The following HNRNPUL1 variants were observed in gnomAD, a reference collection of about 807,000 sequenced individuals.
HNRNPUL1 encodes heterogeneous nuclear ribonucleoprotein U-like protein 1.
A neutral mutation model predicts 108.5 loss-of-function variants in HNRNPUL1; 14 were observed. The observed-to-expected ratio is 0.13, with a 90% CI of 0.09 to 0.20. The LOEUF (loss-of-function observed/expected upper bound fraction) is 0.20, where lower values mean the gene tolerates loss of function less well. Among genes scored for constraint, HNRNPUL1 ranks in the 10% least tolerant of loss-of-function variants. The pLI is 1.00. For synonymous variants in HNRNPUL1, 422 were observed against 445.2 expected (o/e 0.95, Z 0.66); for missense variants, 804 against 1,168.3 (o/e 0.69, Z 4.55).
rs371503869 is a variant in HNRNPUL1 at position 41,294,466 on chromosome 19, G to T, written c.1389+6G>T. On this transcript the variant is annotated splice_donor_region_variant and intron_variant, in intron 9 of 14. Coordinates refer to ENST00000392006, the MANE Select transcript of HNRNPUL1 (RefSeq NM_007040.6). The surrounding 1 kb of genome is among the most constrained non-coding windows in gnomAD (Gnocchi z 4.3). ...CCATCATGGATAAGATGCGGGTAAG[G>T]CCAGCCACTGGACTCTCCTTACTCA... 6.2e-7 allele frequency: 1 copy of T among 1,614,066 alleles called. No homozygotes were observed. The highest frequency in any genetic ancestry group is 1.3e-5 in the African/African-American group (1 of 75,034).
chr19:41,284,995 C>CAAAA (rs773865440), intron 7 of HNRNPUL1, among the ~76,000 whole-genome samples: 1 of 61,446 alleles, frequency 1.6e-5, no homozygotes, highest in African/African-American at 5.7e-5. Context: ...GACTCTGTCT[C>CAAAA]AAAAAAAAAA....
chr19:41,277,707 A>G (rs960538531), intron 5 of HNRNPUL1, among the ~76,000 whole-genome samples: 1 of 152,098 alleles, frequency 6.6e-6, no homozygotes, highest in African/African-American at 2.4e-5. Context: ...GGGTTTCTCC[A>G]TGTTGATCAG....
Position 41,264,597 on chromosome 19 carries a change from C to T in HNRNPUL1, c.94C>T (p.Arg32Trp). The change falls in exon 1 of 15, where the codon CGG (arginine) becomes TGG (tryptophan). Residue 32 changes from arginine to tryptophan, a missense_variant. Physicochemically the swap from Arg to Trp is moderately radical, Grantham distance 101. Coordinates refer to ENST00000392006, the MANE Select transcript of HNRNPUL1 (RefSeq NM_007040.6). ...TRGLKAELAE[R>W]LQAALEAEEP... is the part of the protein sequence containing the mutation. ...AGGCCTCAAGGCCGAGCTTGCTGAG[C>T]GGCTGCAGGCGGCGTTGGAGGCCGA... 2 of 1,574,952 alleles carry T rather than the reference C, an allele frequency of 1.3e-6. No homozygotes were observed. Among genetic ancestry groups the T allele is most frequent in the African/African-American group, 1.4e-5 (1 of 73,254 alleles).
At chr19:41,267,377 C>A (rs141269664) in intron 1 of HNRNPUL1, among the ~76,000 whole-genome samples, 41 of 152,230 alleles carry the variant, frequency 2.7e-4, no homozygotes, top group African/African-American at 9.9e-4. Context: ...GTGCTTGGAG[C>A]CTGGAAGCAG....
intron 7 of HNRNPUL1, among the ~76,000 whole-genome samples, chr19:41,282,412 C>A (rs1273120096): frequency 2.0e-5 from 3 of 152,132 alleles, no homozygotes; most frequent in Non-Finnish European, 4.4e-5. Context: ...GAACTCCCGA[C>A]CTCAGATGAT....
Position 41,294,784 on chromosome 19 carries a change from G to A in HNRNPUL1, c.1518+98G>A. 7.0e-7 allele frequency: 1 copy of A among 1,420,528 alleles called. No homozygotes were observed. The highest frequency in any genetic ancestry group is 2.3e-5 in the East Asian group (1 of 43,534). The allele number at this position is 1,420,528 out of a possible 1,614,324, so 88.0% of individuals were successfully genotyped here. A position where few individuals can be genotyped will look rare whatever the true frequency, so the allele number is the denominator to read the frequency against. ...GTCCCTTTCTTTTTTCCCCCGTAAT[G>A]ATGATGGACTGCTGTGCTAGTCGGG... On this transcript the variant is annotated intron_variant, in intron 10 of 14. Coordinates refer to ENST00000392006, the MANE Select transcript of HNRNPUL1 (RefSeq NM_007040.6). The surrounding 1 kb of genome is among the most constrained non-coding windows in gnomAD (Gnocchi z 4.3).
Position 41,292,649 on chromosome 19 carries a change from C to T in HNRNPUL1, c.1266+138C>T. ...TTTGTCCCAGCTCCTCAGGGTTGGA[C>T]TCAGAGCTGAAAAGCTGCTCTGAGT... On this transcript the variant is annotated intron_variant, in intron 8 of 14. Coordinates refer to ENST00000392006, the MANE Select transcript of HNRNPUL1 (RefSeq NM_007040.6). This position sits in a 1 kb window ranked among gnomAD's most constrained non-coding sequence, Gnocchi z 4.1. The T allele has an allele frequency of 9.2e-7, 1 of 1,088,312 alleles. No homozygotes were observed. The highest frequency in any genetic ancestry group is 1.3e-6 in the Non-Finnish European group (1 of 742,750). The allele number at this position is 1,088,312 out of a possible 1,614,324, so 67.4% of individuals were successfully genotyped here.
Position 41,304,009 on chromosome 19 carries a change from C to T in HNRNPUL1, c.2010C>T (p.Asn670=). The T allele has an allele frequency of 1.2e-6, 2 of 1,613,982 alleles. No individual in the cohort carries two copies. Among genetic ancestry groups the T allele is most frequent in the Non-Finnish European group, 1.7e-6 (2 of 1,179,940 alleles). ...GCGGAGGTGGTGGCTATAGCCAGAA[C>T]CGCTGGGGTAACAACAACCGGGATA... ...NRSGGGGYSQ[N]RWGNNNRDNN... The change falls in exon 13 of 15, where the codon AAC becomes AAT. Residue 670 remains asparagine (N), a synonymous_variant. Coordinates refer to ENST00000392006, the MANE Select transcript of HNRNPUL1 (RefSeq NM_007040.6).
chr19:41,272,475 G>A lies in HNRNPUL1; in HGVS notation c.572+240G>A, dbSNP rs540329185. 2.9e-5 allele frequency: 12 copies of A among 415,226 alleles called. No individual in the cohort carries two copies. In the South Asian group the frequency reaches 3.1e-4, roughly 11 times the overall value. The allele number at this position is 415,226 out of a possible 1,614,324, so 25.7% of individuals were successfully genotyped here. On this transcript the variant is annotated intron_variant, in intron 3 of 14. Transcript: ENST00000392006. ...ACTTCTAAATATCTTAGACTTTCAC[G>A]CGTGAGATGCCAGCCTGCCTGTTCT...
At chr19:41,275,969 G>A (rs2035529684) in intron 4 of HNRNPUL1, among the ~76,000 whole-genome samples, 190 bp from the exon 5 acceptor site, 1 of 152,106 alleles carries the variant, frequency 6.6e-6, no homozygotes, top group Admixed American at 6.5e-5. Flanking sequence ...CAGGTGTGGT[G>A]GTGCATGCCT....
chr19:41,267,651 C>T (rs995718874), intron 1 of HNRNPUL1, among the ~76,000 whole-genome samples: 7 of 152,220 alleles, frequency 4.6e-5, no homozygotes, highest in African/African-American at 1.7e-4. Flanking sequence ...TCTCTCCTTC[C>T]CTTTGGTTCT....
chr19:41,291,450 C>T (rs141517856), intron 7 of HNRNPUL1, among the ~76,000 whole-genome samples: 2 of 152,092 alleles, frequency 1.3e-5, no homozygotes, highest in African/African-American at 4.8e-5. Flanking sequence ...CATAGACTGC[C>T]CTTTCTGGGT....
chr19:41,283,950 T>C (rs2036057018), intron 7 of HNRNPUL1, among the ~76,000 whole-genome samples: 1 of 152,222 alleles, frequency 6.6e-6, no homozygotes, highest in Non-Finnish European at 1.5e-5. Context: ...CTCCTATTGC[T>C]ATTATGGTGA....
Position 41,306,507 on chromosome 19 carries a change from G to A in HNRNPUL1, c.2513G>A (p.Gly838Glu). The change falls in exon 15 of 15, where the codon GGG (glycine) becomes GAG (glutamate). Residue 838 changes from glycine (G) to glutamate (E), a missense_variant. Physicochemically the swap from Gly to Glu is moderately conservative, Grantham distance 98 (BLOSUM62 -2). Around this residue, in one of 4 missense-constraint regions of HNRNPUL1, gnomAD observed 294 missense variants for 388.3 expected, o/e 0.76. Transcript: ENST00000392006. ...QNQGQWPPYY[G>E]NYDYGSYSGN... ...CAGGGCCAGTGGCCGCCATACTACG[G>A]GAACTACGACTACGGGAGCTACTCC... The A allele has an allele frequency of 6.2e-7, 1 of 1,606,420 alleles. No individual in the cohort carries two copies. The highest frequency in any genetic ancestry group is 8.5e-7 in the Non-Finnish European group (1 of 1,176,692).
At chr19:41,268,428 C>T (rs2034994348) in intron 2 of HNRNPUL1, 83 bp downstream of exon 2, 13 of 1,420,458 alleles carry the variant, frequency 9.2e-6, no homozygotes, top group African/African-American at 4.3e-5. Flanking sequence ...CGGGTCTTCC[C>T]AGAGAAACTG....
Position 41,292,627 on chromosome 19 carries a change from G to T in HNRNPUL1, c.1266+116G>T, listed in dbSNP as rs552873393. On this transcript the variant is annotated intron_variant, in intron 8 of 14. Transcript: ENST00000392006. This position sits in a 1 kb window ranked among gnomAD's most constrained non-coding sequence, Gnocchi z 4.1. ...TAGCCTTGGGGCAAGTGGCCACTTT[G>T]TCCCAGCTCCTCAGGGTTGGACTCA... 128 of 1,276,880 alleles carry T rather than the reference G, an allele frequency of 1.0e-4. 1 individual carries two copies. In the African/African-American group the frequency reaches 1.6e-3, roughly 16 times the overall value. The allele number at this position is 1,276,880 out of a possible 1,614,324, so 79.1% of individuals were successfully genotyped here. A position where few individuals can be genotyped will look rare whatever the true frequency, so the allele number is the denominator to read the frequency against.
At position 41,294,496 on chromosome 19, in the gene HNRNPUL1, CA is replaced by C. The variant is rs1279691213; in HGVS notation, c.1389+38del. 1.9e-6 allele frequency: 3 copies of C among 1,613,926 alleles called. No homozygotes were observed. The Admixed American group carries it at 5.0e-5, about 27-fold the overall frequency. On this transcript the variant is annotated intron_variant, in intron 9 of 14. Transcript: ENST00000392006. The surrounding 1 kb of genome is among the most constrained non-coding windows in gnomAD (Gnocchi z 4.3). ...CCACTGGACTCTCCTTACTCACCTCCAACCTACTGAGTGCTGCCCTGCAACT... is the reference window on the plus strand; with the variant it reads ...CCACTGGACTCTCCTTACTCACCTCCACCTACTGAGTGCTGCCCTGCAACT...
At chr19:41,282,783 G>A (rs2035978826) in intron 7 of HNRNPUL1, among the ~76,000 whole-genome samples, 2 of 147,666 alleles carry the variant, frequency 1.4e-5, no homozygotes, top group Non-Finnish European at 3.0e-5. Context: ...TCCGCCTCCC[G>A]GGTTCACGCC....
rs1164618217 is a variant in HNRNPUL1, at chr19:41,301,528, A to T, written c.1519-8A>T. 1.2e-6 allele frequency: 2 copies of T among 1,606,800 alleles called. No individual in the cohort carries two copies. The highest frequency in any genetic ancestry group is 3.4e-5 in the Admixed American group (2 of 57,994). ...CATCTCTTGCCTCTTCTGTTACCTTACCCTTAGACAAATGTTTATGGGTCA... is the reference window on the plus strand; with the variant it reads ...CATCTCTTGCCTCTTCTGTTACCTTTCCCTTAGACAAATGTTTATGGGTCA... On this transcript the variant is annotated splice_region_variant and splice_polypyrimidine_tract_variant and intron_variant, in intron 10 of 14. Coordinates refer to ENST00000392006, the MANE Select transcript of HNRNPUL1 (RefSeq NM_007040.6).
Sources: gnomAD v4.1 joint callset for allele counts (sites outside exome capture counted in the v4.1 genomes callset) on GRCh38, gnomAD v4.1.1 for gene constraint, gnomAD v4.1.1 regional missense constraint, Gnocchi (gnomAD v3.1) non-coding constraint, MANE v1.5 for transcripts, NCBI Gene and HGNC (gene_info 2026-07-23, HGNC 2026-07-21) for gene names.